The following TET1 variants were observed in gnomAD, a reference collection of about 807,000 sequenced individuals.
TET1 encodes methylcytosine dioxygenase TET1.
In TET1, 13 loss-of-function variants were observed where a neutral mutation model predicts 148.7. That is an observed-to-expected ratio of 0.09 (90% CI 0.06 to 0.14). TET1 has a LOEUF of 0.14. TET1 is among the 10% of genes least tolerant of loss of function. TET1 has a pLI of 1.00. For missense variants in TET1, 2,182 were observed against 2,553.8 expected (o/e 0.85, Z 3.14); for synonymous variants, 907 against 937.2 (o/e 0.97, Z 0.59).
chr10:68,682,083 T>C (rs979720678), intron 9 of TET1, among the ~76,000 whole-genome samples: 2 of 148,538 alleles, frequency 1.3e-5, no homozygotes, highest in Non-Finnish European at 3.0e-5. Flanking sequence ...GGACTTTTTA[T>C]TGATCTACTC....
At chr10:68,582,902 A>G (rs1295641041) in intron 2 of TET1, among the ~76,000 whole-genome samples, 1 of 152,194 alleles carries the variant, frequency 6.6e-6, no homozygotes, top group African/African-American at 2.4e-5. Context: ...AAAAAAACCA[A>G]AAAACAAACT....
chr10:68,624,674 CTCTCTCTCTCTCTCTCTCTCTCTT>C (rs2054443713), intron 3 of TET1, among the ~76,000 whole-genome samples: 1 of 85,524 alleles, frequency 1.2e-5, no homozygotes, highest in African/African-American at 4.9e-5. Flanking sequence ...CTCTCTCTCT[CTCTCTCTCTCTCTCTCTCTCTCTT>C]TCTTTCTTTT....
At chr10:68,605,243 C>T (rs771263200) in intron 3 of TET1, among the ~76,000 whole-genome samples, 11 of 152,070 alleles carry the variant, frequency 7.2e-5, no homozygotes, top group African/African-American at 1.7e-4. Context: ...GAGGCTGAGG[C>T]GGGCAGATCA....
At chr10:68,612,014 A>C (rs1259336816) in intron 3 of TET1, among the ~76,000 whole-genome samples, 1 of 151,924 alleles carries the variant, frequency 6.6e-6, no homozygotes, top group Non-Finnish European at 1.5e-5. Flanking sequence ...TATTCAACAG[A>C]GGCTTTTCAT....
Position 68,645,015 on chromosome 10 carries a change from T to C in TET1, c.2286T>C (p.His762=). 2 of 1,613,638 alleles carry C rather than the reference T, an allele frequency of 1.2e-6. No individual in the cohort carries two copies. Among genetic ancestry groups the C allele is most frequent in the Non-Finnish European group, 1.7e-6 (2 of 1,179,752 alleles). The change falls in exon 4 of 12, where the codon CAT becomes CAC. Residue 762 remains histidine (H), a synonymous_variant. Transcript: ENST00000373644. The stretch of plus-strand genomic sequence containing the variant: ...AAACCGTAAGAAATGGCATTAAACA[T>C]GTACACTGTTTACCAGCTGAAACAA... ...FVQTVRNGIK[H]VHCLPAETNV...
At chr10:68,657,165 C>G (rs1432092984) in intron 6 of TET1, among the ~76,000 whole-genome samples, 20 of 151,996 alleles carry the variant, frequency 1.3e-4, no homozygotes, top group Admixed American at 1.3e-3. Context: ...TAGTGAGACT[C>G]TACAAAAAAA....
rs986034096 is a variant in TET1 at position 68,640,552 on chromosome 10, T to C, written c.1969-4146T>C. On this transcript the variant is annotated intron_variant, in intron 3 of 11. Transcript: ENST00000373644. ...TTTTTCTTTCTTTCTTTCTTTTTTT[T>C]TTTTTTTTTTTTTTTTTGAGATGGA... Among the ~76,000 whole-genome samples, 58 of 95,878 alleles carry C rather than the reference T, an allele frequency of 6.0e-4. 1 individual carries two copies. The highest frequency in any genetic ancestry group is 1.9e-3 in the African/African-American group (50 of 26,090). 62.9% of individuals were successfully genotyped at this position (95,878 alleles called of 152,430 possible).
chr10:68,623,438 G>A (rs2132980795), intron 3 of TET1, among the ~76,000 whole-genome samples: 1 of 152,324 alleles, frequency 6.6e-6, no homozygotes, highest in Non-Finnish European at 1.5e-5. Flanking sequence ...TTTCGAGGTA[G>A]TTAGTTTCCT....
intron 2 of TET1, among the ~76,000 whole-genome samples, chr10:68,595,115 T>G (rs537185884): frequency 6.6e-6 from 1 of 150,672 alleles, no homozygotes; most frequent in East Asian, 1.9e-4. Context: ...ATTGGAGCAT[T>G]GCACTCCAGT....
chr10:68,689,528 C>A (rs2055561708), intron 11 of TET1, among the ~76,000 whole-genome samples: 1 of 151,752 alleles, frequency 6.6e-6, no homozygotes, highest in Non-Finnish European at 1.5e-5. Context: ...TGGTGAAACC[C>A]CGTCTCTACT....
Position 68,686,398 on chromosome 10 carries a change from A to G in TET1, c.5095A>G (p.Ile1699Val). 3.1e-6 allele frequency: 5 copies of G among 1,613,036 alleles called. No homozygotes were observed. Residue 1699 changes from isoleucine to valine, a missense_variant, in exon 11 of 12, where the codon ATT becomes GTT. Ile to Val is a conservative substitution (Grantham distance 29). Transcript: ENST00000373644. The part of the protein sequence containing the change: ...TREDNRSLGV[I>V]PQDEQLHVLP... ...AGAAGATAACCGCTCTTTGGGTGTT[A>G]TTCCTCAAGATGAGCAGCTCCATGT...
intron 1 of TET1, among the ~76,000 whole-genome samples, chr10:68,568,131 GC>G (rs540554599): frequency 8.0e-4 from 121 of 151,940 alleles, no homozygotes; most frequent in African/African-American, 2.7e-3. Flanking sequence ...ACCCACCTTG[GC>G]CTCCCAAAGT....
intron 6 of TET1, among the ~76,000 whole-genome samples, chr10:68,658,143 A>C (rs985721710): frequency 6.6e-6 from 1 of 152,140 alleles, no homozygotes; most frequent in African/African-American, 2.4e-5. Flanking sequence ...ATCTCCATGT[A>C]TATGCTTAGG....
intron 3 of TET1, among the ~76,000 whole-genome samples, chr10:68,644,371 T>A (rs976748833): frequency 1.3e-5 from 2 of 150,832 alleles, no homozygotes; most frequent in Admixed American, 1.3e-4. Context: ...CCTGACTAAT[T>A]TTTTTTGTAT....
At chr10:68,598,946 CAA>C (rs1322393643) in intron 2 of TET1, among the ~76,000 whole-genome samples, 1 of 151,944 alleles carries the variant, frequency 6.6e-6, no homozygotes, top group African/African-American at 2.4e-5. Flanking sequence ...CTCGGCCTCC[CAA>C]AGTGTTAGGA....
rs1332400064 is a variant in TET1 at position 68,578,110 on chromosome 10, T to A, written c.1914+3858T>A. 2.0e-5 allele frequency among the ~76,000 whole-genome samples: 3 copies of A among 152,160 alleles called. No homozygotes were observed. The South Asian group carries it at 6.2e-4, about 32-fold the overall frequency. ...AATACTTTGTTGTAAAAAATCTTAC[T>A]GAGCCTGTAATCCCAGCACTTTGAG... On this transcript the variant is annotated intron_variant, in intron 2 of 11. Coordinates refer to ENST00000373644, the MANE Select transcript of TET1 (RefSeq NM_030625.3).
At chr10:68,618,284 G>A (rs1384851868) in intron 3 of TET1, among the ~76,000 whole-genome samples, 1 of 152,134 alleles carries the variant, frequency 6.6e-6, no homozygotes, top group Non-Finnish European at 1.5e-5. Flanking sequence ...GAAAGTTGGA[G>A]TCAGGTTACT....
intron 6 of TET1, among the ~76,000 whole-genome samples, chr10:68,654,642 A>C (rs1261087434): frequency 6.6e-6 from 1 of 152,020 alleles, no homozygotes; most frequent in Non-Finnish European, 1.5e-5. Flanking sequence ...GAAAAACGAA[A>C]TTAAGGAGAT....
intron 3 of TET1, chr10:68,632,657 A>G: frequency 1.3e-6 from 2 of 1,596,476 alleles, no homozygotes; most frequent in East Asian, 4.5e-5. Context: ...GAAGAAATTA[A>G]AAAGAAGATA....
Sources: allele counts gnomAD v4.1 joint callset (sites outside exome capture counted in the v4.1 genomes callset), GRCh38; gene constraint gnomAD v4.1.1; transcripts MANE v1.5; gene names NCBI Gene and HGNC (gene_info 2026-07-23, HGNC 2026-07-21).